The following MASTL variants were observed in gnomAD, a reference collection of about 807,000 sequenced individuals.
MASTL encodes serine/threonine-protein kinase greatwall.
A neutral mutation model predicts 82.5 loss-of-function variants in MASTL; 54 were observed. That is an observed-to-expected ratio of 0.65 (90% CI 0.53 to 0.82). The LOEUF (loss-of-function observed/expected upper bound fraction) is 0.82. Among genes scored for constraint, MASTL ranks in the 40% least tolerant of loss-of-function variants. The pLI is 0.00. For synonymous variants in MASTL, 323 were observed against 368.9 expected (o/e 0.88, Z 1.43); for missense variants, 950 against 1,047.8 (o/e 0.91, Z 1.29).
At chr10:27,173,304 A>G in intron 9 of MASTL, 45 bp downstream of exon 9, 3 of 1,610,232 alleles carry the variant, frequency 1.9e-6, no homozygotes, top group Non-Finnish European at 2.5e-6. Context: ...ATCTATCACT[A>G]CATTATCTTT....
chr10:27,161,080 T>G lies in MASTL; in HGVS notation c.465-14T>G. The G allele has an allele frequency of 6.3e-7, 1 of 1,577,790 alleles. No individual in the cohort carries two copies. Among genetic ancestry groups the G allele is most frequent in the Middle Eastern group, 1.7e-4 (1 of 5,992 alleles). The stretch of plus-strand genomic sequence containing the variant: ...CTTTTTTGGTTATCTAATATTTGCC[T>G]TTTGTGTGTGCAGGGACTTGAAACC... On this transcript the variant is annotated splice_polypyrimidine_tract_variant and intron_variant, in intron 3 of 11. Coordinates refer to ENST00000375940, the MANE Select transcript of MASTL (RefSeq NM_001172303.3).
At chr10:27,173,556 T>C (rs1021247827) in intron 9 of MASTL, among the ~76,000 whole-genome samples, 30 of 152,064 alleles carry the variant, frequency 2.0e-4, no homozygotes, top group Admixed American at 1.8e-3. Context: ...TATTATCTTA[T>C]CTCTTTTTTT....
Position 27,155,473 on chromosome 10 carries a change from C to T in MASTL, c.47C>T (p.Ala16Val). ...GSKKEPGGGAATEEGVNRIAV... is the reference protein window; with the variant it reads ...GSKKEPGGGAVTEEGVNRIAV... The stretch of plus-strand genomic sequence containing the variant: ...AAGAAGGAGCCTGGAGGAGGCGCGG[C>T]GACTGAGGAGGGCGTGAATAGGATC... Residue 16 changes from alanine to valine, a missense_variant, in exon 1 of 12, where the codon GCG becomes GTG. Coordinates refer to ENST00000375940, the MANE Select transcript of MASTL (RefSeq NM_001172303.3). 2 of 1,613,694 alleles carry T rather than the reference C, an allele frequency of 1.2e-6. No homozygotes were observed. Among genetic ancestry groups the T allele is most frequent in the Non-Finnish European group, 1.7e-6 (2 of 1,179,874 alleles).
At position 27,187,411 on chromosome 10, in the gene MASTL, C is replaced by A. The variant is rs2058831519; in HGVS notation, c.*875C>A. On this transcript the variant is annotated 3_prime_UTR_variant, in exon 12 of 12. Transcript: ENST00000375940. ...TACTTTACTAATGATACGGTTTTGC[C>A]ACCTTAATTTCTATTGGTGCGTAGT... Among the ~76,000 whole-genome samples the A allele has an allele frequency of 1.3e-5, 2 of 152,154 alleles. No homozygotes were observed. Among genetic ancestry groups the A allele is most frequent in the Admixed American group, 1.3e-4 (2 of 15,266 alleles).
chr10:27,162,161 C>T (rs1439554942), intron 4 of MASTL, among the ~76,000 whole-genome samples: 1 of 152,114 alleles, frequency 6.6e-6, no homozygotes, highest in Non-Finnish European at 1.5e-5. Flanking sequence ...GGAAATCTGC[C>T]AATATGTTTT....
At chr10:27,185,208 GA>G (rs2058612655) in intron 11 of MASTL, among the ~76,000 whole-genome samples, 2 of 152,192 alleles carry the variant, frequency 1.3e-5, no homozygotes, top group African/African-American at 4.8e-5. Context: ...GGAGCGTGGT[GA>G]TAGAAACAGG....
rs1172158561 is a variant in MASTL at position 27,170,734 on chromosome 10, G to A, written c.1775G>A (p.Arg592Lys). The change falls in exon 8 of 12, where the codon AGA (arginine) becomes AAA (lysine). Residue 592 changes from arginine to lysine, a missense_variant. Arg to Lys is a conservative substitution (Grantham distance 26, BLOSUM62 2). Coordinates refer to ENST00000375940, the MANE Select transcript of MASTL (RefSeq NM_001172303.3). ...PLESQPLDSDRSIKESSFEES... is the reference protein window; with the variant it reads ...PLESQPLDSDKSIKESSFEES... The stretch of plus-strand genomic sequence containing the variant: ...GAAAGTCAGCCCTTAGATTCAGATA[G>A]AAGCATCAAAGAATCCTCTTTTGAA... The A allele has an allele frequency of 1.2e-6, 2 of 1,613,744 alleles. No homozygotes were observed. The highest frequency in any genetic ancestry group is 1.3e-5 in the African/African-American group (1 of 75,024).
intron 4 of MASTL, among the ~76,000 whole-genome samples, chr10:27,163,681 A>G (rs1280859114): frequency 6.7e-6 from 1 of 148,914 alleles, no homozygotes; most frequent in Non-Finnish European, 1.5e-5. Flanking sequence ...GGAGTGCTGG[A>G]GTGCAGGGGC....
At chr10:27,181,792 T>C (rs2058326266) in intron 11 of MASTL, among the ~76,000 whole-genome samples, 3 of 151,910 alleles carry the variant, frequency 2.0e-5, no homozygotes, top group Non-Finnish European at 4.4e-5. Flanking sequence ...ATACAAAAAT[T>C]GGCCGGGTGT....
chr10:27,175,794 G>A lies in MASTL; in HGVS notation c.2266+2535G>A, dbSNP rs117474029. Among the ~76,000 whole-genome samples, 959 of 152,068 alleles carry A rather than the reference G, an allele frequency of 6.3e-3. 5 individuals carry two copies. The highest frequency in any genetic ancestry group is 0.011 in the Non-Finnish European group (719 of 67,994). On this transcript the variant is annotated intron_variant, in intron 9 of 11. Coordinates refer to ENST00000375940, the MANE Select transcript of MASTL (RefSeq NM_001172303.3). ...ATTCTACTGATCTTTCAAATGTTGG[G>A]TCTCAAAACTGGACTTGTGGGGCCT...
chr10:27,154,494 C>T (rs1375708112), upstream of MASTL: 10 of 548,584 alleles, frequency 1.8e-5, no homozygotes, highest in Non-Finnish European at 2.9e-5. Context: ...TTGACATTTA[C>T]AAGGAGCAGC....
chr10:27,167,985 A>G (rs1351950061), intron 7 of MASTL, among the ~76,000 whole-genome samples: 1 of 152,222 alleles, frequency 6.6e-6, no homozygotes, highest in Non-Finnish European at 1.5e-5. Context: ...AAGAGATACT[A>G]AAGGTGGTAG....
chr10:27,171,183 T>A (rs1158650781), intron 8 of MASTL, 100 bp downstream of exon 8: 1 of 1,004,012 alleles, frequency 1.0e-6, no homozygotes, highest in Admixed American at 2.1e-5. Flanking sequence ...AATCATATAG[T>A]TCTGTTCTTC....
rs2057868308 is a variant in MASTL at position 27,169,985 on chromosome 10, T to C, written c.1026T>C (p.Asn342=). The C allele has an allele frequency of 2.5e-6, 4 of 1,614,070 alleles. No individual in the cohort carries two copies. The highest frequency in any genetic ancestry group is 1.3e-5 in the African/African-American group (1 of 74,928). ...TGGGCCCAACAATGATGAGTTGGAA[T>C]GCAGTTGAAAAGTTATGCGCAAAAT... ...EALGPTMMSW[N]AVEKLCAKSA... is the part of the protein sequence containing the mutation. Residue 342 remains asparagine, a synonymous_variant, in exon 8 of 12, where the codon AAT becomes AAC. Coordinates refer to ENST00000375940, the MANE Select transcript of MASTL (RefSeq NM_001172303.3).
intron 11 of MASTL, among the ~76,000 whole-genome samples, chr10:27,182,320 C>T (rs7906281): frequency 1.8e-3 from 276 of 151,292 alleles, no homozygotes; most frequent in African/African-American, 6.3e-3. Flanking sequence ...AAAGATAATT[C>T]GATTTATTTC....
At chr10:27,184,463 T>G (rs2058522246) in intron 11 of MASTL, among the ~76,000 whole-genome samples, 1 of 152,060 alleles carries the variant, frequency 6.6e-6, no homozygotes, top group African/African-American at 2.4e-5. Flanking sequence ...TACTGAGTCC[T>G]TGTAGTATTA....
chr10:27,170,270 C>A lies in MASTL; in HGVS notation c.1311C>A (p.His437Gln), dbSNP rs1347864971. 3.1e-6 allele frequency: 5 copies of A among 1,613,766 alleles called. No homozygotes were observed. The highest frequency in any genetic ancestry group is 4.2e-6 in the Non-Finnish European group (5 of 1,179,960). Reference protein sequence around the residue: ...AVDSGGISEEHLGKRSLKRNF... With the variant: ...AVDSGGISEEQLGKRSLKRNF... The stretch of plus-strand genomic sequence containing the variant: ...ATTCTGGTGGGATATCTGAAGAGCA[C>A]CTTGGGAAAAGAAGTTTAAAAAGAA... Residue 437 changes from histidine (H) to glutamine (Q), a missense_variant, in exon 8 of 12, where the codon CAC becomes CAA. Physicochemically the swap from His to Gln is conservative, Grantham distance 24. Coordinates refer to ENST00000375940, the MANE Select transcript of MASTL (RefSeq NM_001172303.3).
intron 11 of MASTL, among the ~76,000 whole-genome samples, chr10:27,185,390 T>G (rs1025646683): frequency 3.3e-5 from 5 of 151,998 alleles, no homozygotes; most frequent in Non-Finnish European, 7.4e-5. Flanking sequence ...CCCAGCACTT[T>G]GGGAGGCTGA....
intron 1 of MASTL, among the ~76,000 whole-genome samples, chr10:27,157,440 T>A (rs12248625): frequency 0.1 from 15,331 of 152,178 alleles, 2,525 homozygotes; most frequent in African/African-American, 0.35. Flanking sequence ...AAAAATCATG[T>A]TACCAGCTTG....
Sources: gnomAD v4.1 joint callset for allele counts (sites outside exome capture counted in the v4.1 genomes callset) on GRCh38, gnomAD v4.1.1 for gene constraint, MANE v1.5 for transcripts, NCBI Gene and HGNC (gene_info 2026-07-23, HGNC 2026-07-21) for gene names.